The following CLN6 variants were observed in gnomAD, a reference collection of about 807,000 sequenced individuals.
CLN6 encodes ceroid-lipofuscinosis neuronal protein 6.
A neutral mutation model predicts 33.3 loss-of-function variants in CLN6; 22 were observed. The observed-to-expected ratio is 0.66, with a 90% CI of 0.47 to 0.94. The LOEUF (loss-of-function observed/expected upper bound fraction) is 0.94, where lower values mean the gene tolerates loss of function less well. Among genes scored for constraint, CLN6 ranks in the 40% least tolerant of loss-of-function variants. CLN6 has a pLI of 0.00. For synonymous variants in CLN6, 201 were observed against 174.6 expected (o/e 1.15, Z -1.19); for missense variants, 387 against 417.1 (o/e 0.93, Z 0.63).
At chr15:68,232,658 C>G (rs1313800747), upstream of CLN6, among the ~76,000 whole-genome samples, 1 of 152,174 alleles carries the variant, frequency 6.6e-6, no homozygotes, top group Non-Finnish European at 1.5e-5. This position sits in a 1 kb window ranked among gnomAD's most constrained non-coding sequence, Gnocchi z 4.7. Context: ...GAACTTTGAC[C>G]AGCAAGAGAC....
rs193097444 is a variant in CLN6 at position 68,216,758 on chromosome 15, A to G, written c.198+1778T>C. 5.3e-5 allele frequency among the ~76,000 whole-genome samples: 8 copies of G among 152,344 alleles called. No homozygotes were observed. The East Asian group carries it at 1.5e-3, about 29-fold the overall frequency. On this transcript the variant is annotated intron_variant, in intron 2 of 6. Transcript: ENST00000249806. ...GGCTATCATAAACACCACTGCAATG[A>G]ACATCTTTGAGTTAGAGGAAACTGC...
chr15:68,237,235 C>A (rs910080209), intron 1 of CLN6, among the ~76,000 whole-genome samples: 2 of 147,416 alleles, frequency 1.4e-5, no homozygotes, highest in Non-Finnish European at 3.0e-5. Flanking sequence ...AATCCTAGCA[C>A]TTTGGGAGGC....
At chr15:68,237,820 G>A (rs7163274) in intron 1 of CLN6, among the ~76,000 whole-genome samples, 72,150 of 152,088 alleles carry the variant, frequency 0.47, 17,972 homozygotes, top group Non-Finnish European at 0.56. Flanking sequence ...AAGAAAGACA[G>A]CACATATCAA....
intron 2 of CLN6, 107 bp from the exon 3 acceptor site, chr15:68,214,495 C>G: frequency 1.4e-6 from 1 of 737,000 alleles, no homozygotes; most frequent in East Asian, 2.7e-5. Flanking sequence ...CCTTTCACCC[C>G]CCACCCCATC....
chr15:68,255,437 T>C (rs1892423916), intron 1 of CLN6, among the ~76,000 whole-genome samples: 1 of 152,216 alleles, frequency 6.6e-6, no homozygotes, highest in African/African-American at 2.4e-5. Flanking sequence ...ATTCTGCCAT[T>C]TTCATTTCAC....
chr15:68,214,357 T>G lies in CLN6; in HGVS notation c.230A>C (p.Asn77Thr), dbSNP rs776974644. ...GAAGTAGTCCCCAACACTGGGCTTG[T>G]TGAGTGGAAACCACTCGAGAGGGAA... ...LVFPLEWFPL[N>T]KPSVGDYFHM... Residue 77 changes from asparagine (N) to threonine (T), a missense_variant, in exon 3 of 7, where the codon AAC becomes ACC. Physicochemically the swap from Asn to Thr is moderately conservative, Grantham distance 65 (BLOSUM62 0). Coordinates refer to ENST00000249806, the MANE Select transcript of CLN6 (RefSeq NM_017882.3). 3 of 1,614,080 alleles carry G rather than the reference T, an allele frequency of 1.9e-6. No homozygotes were observed. Among genetic ancestry groups the G allele is most frequent in the Non-Finnish European group, 2.5e-6 (3 of 1,179,912 alleles).
Position 68,242,622 on chromosome 15 carries a change from CT to C in CLN6, c.179+14067del. 6.6e-6 allele frequency among the ~76,000 whole-genome samples: 1 copy of C among 152,060 alleles called. No homozygotes were observed. Among genetic ancestry groups the C allele is most frequent in the Non-Finnish European group, 1.5e-5 (1 of 68,004 alleles). On this transcript the variant is annotated intron_variant, in intron 1 of 6. Coordinates refer to the CLN6 transcript ENST00000538696. This position sits in a 1 kb window ranked among gnomAD's most constrained non-coding sequence, Gnocchi z 5.0. ...TTGTCAGAAAAATAGAAACTAATGC[CT>C]TTTTGTTCACGTGACTTTAGTAACC...
At chr15:68,244,435 G>T (rs1418581935) in intron 1 of CLN6, among the ~76,000 whole-genome samples, 1 of 151,720 alleles carries the variant, frequency 6.6e-6, no homozygotes, top group Non-Finnish European at 1.5e-5. Flanking sequence ...AAAAAAAACT[G>T]CCATCCAAGA....
upstream of CLN6, among the ~76,000 whole-genome samples, chr15:68,232,296 T>C (rs1035403347): frequency 6.6e-6 from 1 of 152,070 alleles, no homozygotes; most frequent in Non-Finnish European, 1.5e-5. The surrounding 1 kb of genome is among the most constrained non-coding windows in gnomAD (Gnocchi z 4.7). Flanking sequence ...TAGCTGGGAC[T>C]ACAGGCATGC....
exon 1 of CLN6, chr15:68,257,013 C>G (rs1892444939): frequency 1.9e-6 from 1 of 538,966 alleles, no homozygotes; most frequent in East Asian, 3.0e-5. Flanking sequence ...CTGAGCGCGA[C>G]TGACGCAGAG....
intron 1 of CLN6, among the ~76,000 whole-genome samples, chr15:68,244,302 A>C (rs2141163591): frequency 6.6e-6 from 1 of 152,232 alleles, no homozygotes; most frequent in African/African-American, 2.4e-5. Flanking sequence ...AGGATCCTAA[A>C]AGCAGCAATA....
intron 1 of CLN6, 123 bp downstream of exon 1, chr15:68,229,379 T>C (rs1337300087): frequency 2.8e-6 from 2 of 710,240 alleles, no homozygotes; most frequent in Non-Finnish European, 4.1e-6. Context: ...CGCGCTCCGC[T>C]CCGCCCCGGC....
chr15:68,229,826 G>A (rs921584441), upstream of CLN6: 4 of 309,118 alleles, frequency 1.3e-5, no homozygotes, highest in Non-Finnish European at 2.3e-5. Flanking sequence ...GGGGAGGGCC[G>A]GGCGCTGCGA....
chr15:68,217,878 T>C (rs1189135691), intron 2 of CLN6, among the ~76,000 whole-genome samples: 1 of 81,184 alleles, frequency 1.2e-5, no homozygotes, highest in African/African-American at 4.7e-5. Context: ...ATTATCTACC[T>C]ACCTACCTAC....
At chr15:68,253,249 T>C (rs955561649) in intron 1 of CLN6, among the ~76,000 whole-genome samples, 1 of 152,230 alleles carries the variant, frequency 6.6e-6, no homozygotes, top group African/African-American at 2.4e-5. Flanking sequence ...TCAGAGTGTT[T>C]AAATGCACAA....
At chr15:68,237,566 A>G (rs1892233672) in intron 1 of CLN6, among the ~76,000 whole-genome samples, 1 of 152,230 alleles carries the variant, frequency 6.6e-6, no homozygotes, top group Non-Finnish European at 1.5e-5. Context: ...AAAGCTGAGT[A>G]GTGAATTGGT....
intron 2 of CLN6, among the ~76,000 whole-genome samples, chr15:68,216,150 CCT>C (rs2093220084): frequency 6.6e-6 from 1 of 152,050 alleles, no homozygotes; most frequent in Non-Finnish European, 1.5e-5. Context: ...AATAGGAGAC[CCT>C]GTTATGCCAG....
chr15:68,208,139 C>T lies in CLN6; in HGVS notation c.*1G>A. On this transcript the variant is annotated 3_prime_UTR_variant, in exon 7 of 7. Coordinates refer to ENST00000249806, the MANE Select transcript of CLN6 (RefSeq NM_017882.3). The surrounding 1 kb of genome is among the most constrained non-coding windows in gnomAD (Gnocchi z 5.8). ...GAGCGCCAGAGCCTGGTGCCAGGGA[C>T]TCAGTGCCGACTGCTGACGTGAAGG... 6.3e-7 allele frequency: 1 copy of T among 1,584,082 alleles called. No individual in the cohort carries two copies. The highest frequency in any genetic ancestry group is 8.6e-7 in the Non-Finnish European group (1 of 1,161,524).
upstream of CLN6, among the ~76,000 whole-genome samples, chr15:68,231,937 G>C (rs1391199552): frequency 6.6e-6 from 1 of 152,182 alleles, no homozygotes; most frequent in Non-Finnish European, 1.5e-5. Flanking sequence ...ATAGAGTAAA[G>C]CTGAGGGGTA....
Sources: allele counts gnomAD v4.1 joint callset (sites outside exome capture counted in the v4.1 genomes callset), GRCh38; gene constraint gnomAD v4.1.1; non-coding constraint Gnocchi (gnomAD v3.1); transcripts MANE v1.5; gene names NCBI Gene and HGNC (gene_info 2026-07-23, HGNC 2026-07-21).